PLXDC2: variants seen among roughly 807,000 people sequenced by gnomAD.
PLXDC2 encodes plexin domain containing 2.
A neutral mutation model predicts 68.9 loss-of-function variants in PLXDC2; 40 were observed. The observed-to-expected ratio is 0.58, with a 90% CI of 0.45 to 0.76. The LOEUF (loss-of-function observed/expected upper bound fraction) is 0.76. PLXDC2 is among the 30% of genes least tolerant of loss of function. PLXDC2 has a pLI of 0.00. For missense variants in PLXDC2, 644 were observed against 661.9 expected, an observed-to-expected ratio of 0.97 and a Z score of 0.30; for synonymous variants, 243 against 234.2, an observed-to-expected ratio of 1.04 and a Z score of -0.34.
intron 9 of PLXDC2, among the ~76,000 whole-genome samples, chr10:20,206,879 C>G (rs1459281223): frequency 6.6e-6 from 1 of 150,842 alleles, no homozygotes; most frequent in Admixed American, 6.6e-5. Context: ...CACACAGACA[C>G]ACACACACAC....
intron 4 of PLXDC2, among the ~76,000 whole-genome samples, chr10:20,136,748 C>T (rs996908409): frequency 2.0e-5 from 3 of 152,328 alleles, no homozygotes; most frequent in East Asian, 1.9e-4. Context: ...ATGTTCAATG[C>T]CCTACAGGCA....
At chr10:20,245,233 A>G in intron 12 of PLXDC2, 112 bp from the exon 13 acceptor site, 1 of 1,189,184 alleles carries the variant, frequency 8.4e-7, no homozygotes, top group Non-Finnish European at 1.1e-6. Flanking sequence ...AAAGTTGTCC[A>G]GGAAGTAAAG....
chr10:20,008,884 T>C (rs1296108570), intron 2 of PLXDC2, among the ~76,000 whole-genome samples: 1 of 152,148 alleles, frequency 6.6e-6, no homozygotes, highest in African/African-American at 2.4e-5. Context: ...ATGACTTTGC[T>C]CCTCCTTCAC....
At chr10:19,941,315 A>G (rs1187561150) in intron 1 of PLXDC2, among the ~76,000 whole-genome samples, 2 of 152,194 alleles carry the variant, frequency 1.3e-5, no homozygotes, top group Admixed American at 6.5e-5. Context: ...AGACGGGCCA[A>G]TCAGAGCCCT....
In PLXDC2 at chr10:20,177,107, G is replaced by T; in HGVS notation, c.979+13G>T. The T allele has an allele frequency of 6.4e-7, 1 of 1,562,316 alleles. No homozygotes were observed. Among genetic ancestry groups the T allele is most frequent in the Non-Finnish European group, 8.8e-7 (1 of 1,135,140 alleles). The stretch of plus-strand genomic sequence containing the variant: ...ACCCCATTACCCAGTAAGCGAATAT[G>T]TAAACCTAGGTGGAAAACATGATTT... On this transcript the variant is annotated intron_variant, in intron 8 of 13. Coordinates refer to ENST00000377252, the MANE Select transcript of PLXDC2 (RefSeq NM_032812.9).
At chr10:19,864,697 C>T (rs1837381379) in intron 1 of PLXDC2, among the ~76,000 whole-genome samples, 1 of 152,074 alleles carries the variant, frequency 6.6e-6, no homozygotes, top group African/African-American at 2.4e-5. Context: ...AAGCGTTGTG[C>T]TAGGCAATGA....
chr10:20,227,447 G>T (rs1028021673), intron 12 of PLXDC2, among the ~76,000 whole-genome samples: 2 of 152,154 alleles, frequency 1.3e-5, no homozygotes, highest in African/African-American at 4.8e-5. Flanking sequence ...AGAATTTCAG[G>T]AAGGGGATTG....
intron 2 of PLXDC2, among the ~76,000 whole-genome samples, chr10:20,035,724 GTA>G (rs1835566626): frequency 6.6e-6 from 1 of 151,876 alleles, no homozygotes; most frequent in African/African-American, 2.4e-5. Context: ...TTTTAAAAAA[GTA>G]TATGTTTACC....
intron 2 of PLXDC2, among the ~76,000 whole-genome samples, 195 bp from the exon 3 acceptor site, chr10:20,046,674 A>G (rs1303929177): frequency 2.0e-5 from 3 of 151,918 alleles, no homozygotes; most frequent in African/African-American, 7.2e-5. Flanking sequence ...ATTTATTAAC[A>G]TTTTTTTCTT....
chr10:20,138,519 G>T (rs1296640738), intron 4 of PLXDC2, among the ~76,000 whole-genome samples: 1 of 152,148 alleles, frequency 6.6e-6, no homozygotes, highest in Non-Finnish European at 1.5e-5. Context: ...TGTGGCTTTA[G>T]GCAAATTGCC....
chr10:19,962,938 C>T (rs1013215973), intron 1 of PLXDC2, among the ~76,000 whole-genome samples: 5 of 144,750 alleles, frequency 3.5e-5, no homozygotes, highest in African/African-American at 5.1e-5. Flanking sequence ...TGCAGTGAGC[C>T]GAGATCGTGA....
chr10:20,117,303 G>A (rs1833635390), intron 4 of PLXDC2, among the ~76,000 whole-genome samples: 1 of 152,168 alleles, frequency 6.6e-6, no homozygotes, highest in African/African-American at 2.4e-5. Context: ...CCATGTTCAT[G>A]GATTGGGGAA....
At chr10:19,995,996 T>C (rs188082388) in intron 1 of PLXDC2, among the ~76,000 whole-genome samples, 2 of 152,182 alleles carry the variant, frequency 1.3e-5, no homozygotes, top group Admixed American at 6.5e-5. Flanking sequence ...AAGGAAGAGA[T>C]AGGAAAGTGG....
intron 12 of PLXDC2, 93 bp from the exon 13 acceptor site, chr10:20,245,252 G>T: frequency 7.3e-7 from 1 of 1,367,026 alleles, no homozygotes; most frequent in Non-Finnish European, 9.7e-7. Context: ...AGATCCAGTC[G>T]TACTTTATTA....
intron 1 of PLXDC2, among the ~76,000 whole-genome samples, chr10:19,843,966 GGTGATGGGTGCCCCAAAT>G (rs1200227879): frequency 1.3e-5 from 2 of 152,144 alleles, no homozygotes; most frequent in Non-Finnish European, 2.9e-5. Flanking sequence ...AAACAGTGAA[GGTGATGGGTGCCCCAAAT>G]GCCCTGACTG....
intron 9 of PLXDC2, among the ~76,000 whole-genome samples, chr10:20,183,852 T>G (rs1834641644): frequency 6.6e-6 from 1 of 152,006 alleles, no homozygotes; most frequent in African/African-American, 2.4e-5. Context: ...GAGCATGGCA[T>G]AAGATATTCG....
intron 2 of PLXDC2, among the ~76,000 whole-genome samples, chr10:20,043,988 A>G (rs1248153613): frequency 1.3e-5 from 2 of 152,172 alleles, no homozygotes; most frequent in African/African-American, 4.8e-5. Context: ...CCATAACCTA[A>G]TTCAAGGTGA....
At chr10:20,083,843 T>C (rs1833148501) in intron 4 of PLXDC2, among the ~76,000 whole-genome samples, 1 of 152,228 alleles carries the variant, frequency 6.6e-6, no homozygotes, top group Non-Finnish European at 1.5e-5. Context: ...AAGATTCCTC[T>C]GGATAAAACT....
intron 1 of PLXDC2, among the ~76,000 whole-genome samples, chr10:19,939,310 A>C (rs1401242206): frequency 1.3e-5 from 2 of 152,218 alleles, no homozygotes; most frequent in Non-Finnish European, 2.9e-5. Flanking sequence ...GATCTTGGCT[A>C]CAGATTGAGT....
Sources: gnomAD v4.1 joint callset for allele counts (sites outside exome capture counted in the v4.1 genomes callset) on GRCh38, gnomAD v4.1.1 for gene constraint, MANE v1.5 for transcripts, NCBI Gene and HGNC (gene_info 2026-07-23, HGNC 2026-07-21) for gene names.